Variants in ARL15 observed in about 807,000 individuals in gnomAD.
ARL15 encodes ADP-ribosylation factor-like protein 15.
In ARL15, 19 loss-of-function variants were observed where a neutral mutation model predicts 25.2. That is an observed-to-expected ratio of 0.75 (90% confidence interval 0.53 to 1.10). The LOEUF (loss-of-function observed/expected upper bound fraction) is 1.10. ARL15 is among the 50% of genes least tolerant of loss of function. ARL15 has a pLI of 0.00. For synonymous variants in ARL15, 94 were observed against 86.8 expected (o/e 1.08, Z -0.46); for missense variants, 220 against 246.0 (o/e 0.89, Z 0.71).
intron 3 of ARL15, among the ~76,000 whole-genome samples, chr5:54,131,764 G>A (rs928449601): frequency 6.6e-6 from 1 of 152,124 alleles, no homozygotes; most frequent in Non-Finnish European, 1.5e-5. Context: ...GAATTACTGA[G>A]TATTGTTTTT....
At chr5:54,286,867 T>G (rs902681876) in intron 1 of ARL15, among the ~76,000 whole-genome samples, 2 of 110,652 alleles carry the variant, frequency 1.8e-5, no homozygotes, top group Non-Finnish European at 3.8e-5. Context: ...TTTGCAGGGC[T>G]TTTTTTTTTT....
intron 1 of ARL15, among the ~76,000 whole-genome samples, chr5:54,310,140 G>T (rs1758858419): frequency 6.6e-6 from 1 of 152,184 alleles, no homozygotes; most frequent in African/African-American, 2.4e-5. Flanking sequence ...CCGATCGCGG[G>T]CAGGGGACGC....
At chr5:54,053,410 C>A (rs1286843047) in intron 4 of ARL15, among the ~76,000 whole-genome samples, 3 of 151,458 alleles carry the variant, frequency 2.0e-5, no homozygotes, top group African/African-American at 7.3e-5. Flanking sequence ...GTATTCTATC[C>A]AAAAGAAAGT....
intron 1 of ARL15, among the ~76,000 whole-genome samples, chr5:54,255,639 G>A (rs897662835): frequency 6.6e-6 from 1 of 152,164 alleles, no homozygotes; most frequent in Non-Finnish European, 1.5e-5. Context: ...AACTTTTTGA[G>A]CGCTAACATG....
intron 1 of ARL15, among the ~76,000 whole-genome samples, chr5:54,222,054 G>A (rs565703271): frequency 3.9e-4 from 60 of 152,156 alleles, no homozygotes; most frequent in Non-Finnish European, 7.3e-4. Flanking sequence ...CTAGAGGATG[G>A]AAAGTAAAAA....
chr5:53,986,571 T>A (rs758761129), intron 4 of ARL15, among the ~76,000 whole-genome samples: 71 of 152,310 alleles, frequency 4.7e-4, no homozygotes, highest in Non-Finnish European at 8.4e-4. Flanking sequence ...AGGGTTCCAA[T>A]GCAGGTGGTC....
At chr5:53,939,665 G>T (rs1257043192) in intron 4 of ARL15, among the ~76,000 whole-genome samples, 1 of 151,922 alleles carries the variant, frequency 6.6e-6, no homozygotes, top group African/African-American at 2.4e-5. Context: ...AACCCGGGAG[G>T]TGGTGGTTGC....
chr5:54,141,797 TACAA>T (rs1753789850), intron 3 of ARL15, among the ~76,000 whole-genome samples: 2 of 152,230 alleles, frequency 1.3e-5, no homozygotes, highest in South Asian at 4.1e-4. Flanking sequence ...ATAAATAGAA[TACAA>T]ATTTATCTCA....
intron 4 of ARL15, among the ~76,000 whole-genome samples, chr5:54,087,875 C>T (rs905905228): frequency 6.6e-6 from 1 of 152,158 alleles, no homozygotes; most frequent in Non-Finnish European, 1.5e-5. Flanking sequence ...GAGGCTTCAC[C>T]ATGTTGGCCA....
intron 4 of ARL15, among the ~76,000 whole-genome samples, chr5:54,011,728 G>A (rs933855382): frequency 1.3e-5 from 2 of 152,058 alleles, no homozygotes; most frequent in Non-Finnish European, 2.9e-5. Flanking sequence ...AAGAGCATAA[G>A]GGCCGGGTGT....
At chr5:54,200,366 A>G (rs1419588587) in intron 1 of ARL15, among the ~76,000 whole-genome samples, 1 of 151,334 alleles carries the variant, frequency 6.6e-6, no homozygotes, top group African/African-American at 2.4e-5. Context: ...ATAAATAAAA[A>G]GAAAATAGAG....
chr5:54,171,055 C>T (rs1057373220), intron 2 of ARL15, among the ~76,000 whole-genome samples: 1 of 152,158 alleles, frequency 6.6e-6, no homozygotes, highest in Non-Finnish European at 1.5e-5. Flanking sequence ...AAAGAGGACA[C>T]ATTTGGGAAG....
chr5:54,131,660 T>C (rs1385252040), intron 3 of ARL15, among the ~76,000 whole-genome samples: 3 of 152,208 alleles, frequency 2.0e-5, no homozygotes, highest in African/African-American at 7.2e-5. Flanking sequence ...TTAATTCAAG[T>C]AAATTTACTC....
chr5:54,253,161 C>T (rs926185666), intron 1 of ARL15, among the ~76,000 whole-genome samples: 2 of 152,032 alleles, frequency 1.3e-5, no homozygotes, highest in African/African-American at 4.8e-5. Context: ...TATAGGTATA[C>T]GGCATTTTAT....
At chr5:54,305,622 T>A (rs1342495192) in intron 1 of ARL15, among the ~76,000 whole-genome samples, 1 of 152,236 alleles carries the variant, frequency 6.6e-6, no homozygotes, top group Non-Finnish European at 1.5e-5. Context: ...TATTTTTTCC[T>A]ATACACACAC....
At chr5:54,000,149 C>T (rs1259468872) in intron 4 of ARL15, among the ~76,000 whole-genome samples, 2 of 152,058 alleles carry the variant, frequency 1.3e-5, no homozygotes. Flanking sequence ...CTTTTCTTTT[C>T]CTCTAGTTTT....
At chr5:53,968,472 C>A (rs1163556450) in intron 4 of ARL15, among the ~76,000 whole-genome samples, 2 of 152,078 alleles carry the variant, frequency 1.3e-5, no homozygotes, top group Admixed American at 6.5e-5. Context: ...AACTGAGCAG[C>A]ATAATTTCAT....
intron 4 of ARL15, among the ~76,000 whole-genome samples, chr5:54,004,996 T>TA (rs1748977097): frequency 2.6e-5 from 4 of 151,488 alleles, no homozygotes; most frequent in African/African-American, 7.3e-5. Flanking sequence ...GTTTTCTTTT[T>TA]CTTTTTTCTT....
chr5:54,236,166 G>A (rs1397326013), intron 1 of ARL15, among the ~76,000 whole-genome samples: 1 of 152,204 alleles, frequency 6.6e-6, no homozygotes, highest in Non-Finnish European at 1.5e-5. Context: ...CTCTGGCAGA[G>A]ATAGCTACTC....
Sources: allele counts gnomAD v4.1 joint callset (sites outside exome capture counted in the v4.1 genomes callset), GRCh38; gene constraint gnomAD v4.1.1; transcripts MANE v1.5; gene names NCBI Gene and HGNC (gene_info 2026-07-23, HGNC 2026-07-21).